The following FAM220A variants were observed in gnomAD, a reference collection of about 807,000 sequenced individuals.
The protein encoded by FAM220A is family with sequence similarity 220 member A.
For missense variants in FAM220A, 392 were observed against 321.6 expected (o/e 1.22, Z -1.68); for synonymous variants, 141 against 130.7 (o/e 1.08, Z -0.54).
chr7:6,336,269 G>C (rs1316370853), intron 1 of FAM220A, among the ~76,000 whole-genome samples: 1 of 151,934 alleles, frequency 6.6e-6, no homozygotes, highest in African/African-American at 2.4e-5. Context: ...GACTGCTTGA[G>C]CCTAGAAGCT....
chr7:6,334,422 G>A (rs1781705477), intron 1 of FAM220A, among the ~76,000 whole-genome samples: 1 of 151,706 alleles, frequency 6.6e-6, no homozygotes, highest in African/African-American at 2.4e-5. Context: ...TGTAGTCCCT[G>A]CTACTCGGGA....
rs779479155 is a variant in FAM220A at position 6,348,699 on chromosome 7, G to A, written c.-208C>T. ...TCAGCCCCTTGCAGAAGACCCCATAGGAGCGGGCGGCGGCCGAGCGCGAGA... is the reference window on the plus strand; with the variant it reads ...TCAGCCCCTTGCAGAAGACCCCATAAGAGCGGGCGGCGGCCGAGCGCGAGA... On this transcript the variant is annotated 5_prime_UTR_variant, in exon 1 of 2. Coordinates refer to ENST00000313324, the MANE Select transcript of FAM220A (RefSeq NM_001037163.2). 6.8e-6 allele frequency: 3 copies of A among 442,306 alleles called. No individual in the cohort carries two copies. The South Asian group carries it at 1.6e-4, about 24-fold the overall frequency. 27.4% of individuals were successfully genotyped at this position (442,306 alleles called of 1,614,324 possible). A position where few individuals can be genotyped will look rare whatever the true frequency, so the allele number is the denominator to read the frequency against.
intron 1 of FAM220A, among the ~76,000 whole-genome samples, chr7:6,340,756 G>A (rs554380989): frequency 2.6e-4 from 40 of 151,254 alleles, no homozygotes; most frequent in Non-Finnish European, 4.6e-4. Flanking sequence ...AAAATTAGCC[G>A]GGCGTGGTGG....
In FAM220A at chr7:6,348,901, T is replaced by A. The variant is rs973337750; in HGVS notation, c.-410A>T. 1 of 385,356 alleles carries A rather than the reference T, an allele frequency of 2.6e-6. No homozygotes were observed. Among genetic ancestry groups the A allele is most frequent in the East Asian group, 3.7e-5 (1 of 26,936 alleles). The allele number at this position is 385,356 out of a possible 1,614,324, so 23.9% of individuals were successfully genotyped here. A position where few individuals can be genotyped will look rare whatever the true frequency, so the allele number is the denominator to read the frequency against. On this transcript the variant is annotated 5_prime_UTR_variant, in exon 1 of 2. Transcript: ENST00000313324. Reference sequence around the variant, plus strand: ...GCGGGCGGGCCGCAGTGGAGCGGAGTCCGCACGTCACGCTCGGAGAAGTGC... The same window carrying A: ...GCGGGCGGGCCGCAGTGGAGCGGAGACCGCACGTCACGCTCGGAGAAGTGC...
In FAM220A at chr7:6,347,883, TTTATTATTA is replaced by T. The variant is rs143253434; in HGVS notation, c.-82+681_-82+689del. 3.8e-3 allele frequency among the ~76,000 whole-genome samples: 502 copies of T among 131,520 alleles called. 3 individuals carry two copies. The highest frequency in any genetic ancestry group is 0.014 in the East Asian group (65 of 4,520). The allele number at this position is 131,520 out of a possible 152,430, so 86.3% of individuals were successfully genotyped here. A position where few individuals can be genotyped will look rare whatever the true frequency, so the allele number is the denominator to read the frequency against. On this transcript the variant is annotated intron_variant, in intron 1 of 1. Coordinates refer to ENST00000313324, the MANE Select transcript of FAM220A (RefSeq NM_001037163.2). ...AGCCTGGGCAACATAACGAGACCCC[TTTATTATTA>T]TTATTATTATTATTATTATTATTAT...
chr7:6,347,702 G>C (rs533947422), intron 1 of FAM220A, among the ~76,000 whole-genome samples: 8 of 151,774 alleles, frequency 5.3e-5, no homozygotes, highest in East Asian at 1.9e-4. Context: ...GCCAAAATAC[G>C]GTACATTTAT....
Position 6,330,554 on chromosome 7 carries a change from C to G in FAM220A, c.601G>C (p.Glu201Gln). The G allele has an allele frequency of 6.2e-7, 1 of 1,614,162 alleles. No homozygotes were observed. The highest frequency in any genetic ancestry group is 8.5e-7 in the Non-Finnish European group (1 of 1,180,040). Reference sequence around the variant, plus strand: ...TTTGTCTCCTCACTCAGGAGCACTTCGGGATACACGTGCAGCGTTGCAGAC... The same window carrying G: ...TTTGTCTCCTCACTCAGGAGCACTTGGGGATACACGTGCAGCGTTGCAGAC... ...ILSATLHVYP[E>Q]VLLSEETKRI... The change falls in exon 2 of 2, where the codon GAA (glutamate) becomes CAA (glutamine). Residue 201 changes from glutamate (E) to glutamine (Q), a missense_variant. By Grantham distance (29) the Glu-to-Gln change is conservative. Coordinates refer to ENST00000313324, the MANE Select transcript of FAM220A (RefSeq NM_001037163.2).
chr7:6,333,043 G>C (rs1781668510), intron 1 of FAM220A, among the ~76,000 whole-genome samples: 1 of 151,864 alleles, frequency 6.6e-6, no homozygotes, highest in African/African-American at 2.4e-5. Flanking sequence ...TGTAATCCCA[G>C]CTACCAGGGA....
intron 1 of FAM220A, chr7:6,341,895 G>C (rs993381122): frequency 6.6e-6 from 1 of 151,926 alleles, no homozygotes. Context: ...CTGCTTGGGA[G>C]GCTGAGGCAG....
intron 1 of FAM220A, among the ~76,000 whole-genome samples, chr7:6,347,832 T>A (rs1583243250): frequency 6.6e-6 from 1 of 150,950 alleles, no homozygotes; most frequent in Non-Finnish European, 1.5e-5. Flanking sequence ...GATGGGAGGA[T>A]CTCTTGAGGC....
chr7:6,330,595 C>T lies in FAM220A; in HGVS notation c.560G>A (p.Cys187Tyr), dbSNP rs776061119. 1.9e-6 allele frequency: 3 copies of T among 1,614,162 alleles called. No homozygotes were observed. In the African/African-American group the frequency reaches 4.0e-5, roughly 22 times the overall value. Residue 187 changes from cysteine (C) to tyrosine (Y), a missense_variant, in exon 2 of 2, where the codon TGC becomes TAC. By Grantham distance (194) the Cys-to-Tyr change is radical (BLOSUM62 -2). Coordinates refer to ENST00000313324, the MANE Select transcript of FAM220A (RefSeq NM_001037163.2). The stretch of plus-strand genomic sequence containing the variant: ...CGTTGCAGACAGGATGGAGTGCAGG[C>T]AAGCGGGTTCCAACTCAGAGCCCAG... ...KGLGSELEPA[C>Y]LHSILSATLH...
chr7:6,334,149 C>T (rs1189218379), intron 1 of FAM220A, among the ~76,000 whole-genome samples: 1 of 151,436 alleles, frequency 6.6e-6, no homozygotes, highest in East Asian at 2.0e-4. Flanking sequence ...CCCAGCCGAA[C>T]TCCTGGTCTC....
intron 1 of FAM220A, among the ~76,000 whole-genome samples, chr7:6,341,098 C>A (rs1395268264): frequency 7.0e-6 from 1 of 141,858 alleles, no homozygotes. Flanking sequence ...GAGCTGAGAT[C>A]GTGCCACTGC....
intron 1 of FAM220A, among the ~76,000 whole-genome samples, chr7:6,334,526 G>T (rs1364693058): frequency 6.6e-6 from 1 of 152,046 alleles, no homozygotes; most frequent in Non-Finnish European, 1.5e-5. Flanking sequence ...GAAGTGCAGT[G>T]GCAGGATCAC....
chr7:6,339,967 C>T (rs1480441737), intron 1 of FAM220A, among the ~76,000 whole-genome samples: 1 of 152,048 alleles, frequency 6.6e-6, no homozygotes, highest in African/African-American at 2.4e-5. Flanking sequence ...TCACTGCAAC[C>T]TCCACCTCCT....
intron 1 of FAM220A, among the ~76,000 whole-genome samples, chr7:6,338,441 T>C (rs1275343448): frequency 6.6e-6 from 1 of 152,156 alleles, no homozygotes; most frequent in African/African-American, 2.4e-5. Context: ...ACCAGAATGA[T>C]GGAAGGAGTC....
At chr7:6,332,113 G>GAAA (rs35433559) in intron 1 of FAM220A, among the ~76,000 whole-genome samples, 1 of 129,094 alleles carries the variant, frequency 7.7e-6, no homozygotes, top group Non-Finnish European at 1.7e-5. Flanking sequence ...CCATCTCACG[G>GAAA]AAAAAAAAAA....
rs1352528019 is a variant in FAM220A at position 6,336,136 on chromosome 7, G to A, written c.-81-4901C>T. On this transcript the variant is annotated intron_variant, in intron 1 of 1. Coordinates refer to ENST00000313324, the MANE Select transcript of FAM220A (RefSeq NM_001037163.2). Reference sequence around the variant, plus strand: ...TACAGTAAGCCAAGATAGCACCACTGCACTCCAGCCTGGGCAACAGAGTGA... The same window carrying A: ...TACAGTAAGCCAAGATAGCACCACTACACTCCAGCCTGGGCAACAGAGTGA... 4.1e-5 allele frequency among the ~76,000 whole-genome samples: 6 copies of A among 147,892 alleles called. 1 individual carries two copies. The Admixed American group carries it at 4.1e-4, about 10-fold the overall frequency.
chr7:6,348,044 G>C (rs1271722806), intron 1 of FAM220A, among the ~76,000 whole-genome samples: 2 of 151,482 alleles, frequency 1.3e-5, no homozygotes, highest in African/African-American at 4.8e-5. Context: ...CCGAGTAGCT[G>C]GGATTACAGG....
Sources: allele counts gnomAD v4.1 joint callset (sites outside exome capture counted in the v4.1 genomes callset), GRCh38; gene constraint gnomAD v4.1.1; transcripts MANE v1.5; gene names NCBI Gene and HGNC (gene_info 2026-07-23, HGNC 2026-07-21).